Variants in ACVR1 observed in about 807,000 individuals in gnomAD.
The protein encoded by ACVR1 is activin receptor type-1.
A neutral mutation model predicts 57.1 loss-of-function variants in ACVR1; 38 were observed. The observed-to-expected ratio is 0.67, with a 90% confidence interval of 0.51 to 0.87. The LOEUF is 0.87. Among genes scored for constraint, ACVR1 ranks in the 40% least tolerant of loss-of-function variants. The probability of loss-of-function intolerance (pLI) is 0.00; values close to 1 mark genes in which losing one functional copy is unlikely to be tolerated. For missense variants in ACVR1, 463 were observed against 638.2 expected, an observed-to-expected ratio of 0.73 and a Z score of 2.96; for synonymous variants, 212 against 228.1, an observed-to-expected ratio of 0.93 and a Z score of 0.63.
At chr2:157,840,308 C>T (rs1688933947) in intron 1 of ACVR1, among the ~76,000 whole-genome samples, 1 of 152,168 alleles carries the variant, frequency 6.6e-6, no homozygotes, top group Non-Finnish European at 1.5e-5. Context: ...TATTAAGGCT[C>T]GCCTGGGTTG....
At chr2:157,860,031 A>G (rs1425350600) in intron 1 of ACVR1, 1 of 151,912 alleles carries the variant, frequency 6.6e-6, no homozygotes, top group African/African-American at 2.4e-5. Flanking sequence ...GCCAATACAT[A>G]CCCCAGACCA....
At chr2:157,850,855 G>A (rs1425719982) in intron 1 of ACVR1, among the ~76,000 whole-genome samples, 1 of 152,122 alleles carries the variant, frequency 6.6e-6, no homozygotes, top group East Asian at 1.9e-4. Context: ...TACGCAGGAG[G>A]CTGAAACAGG....
Position 157,745,509 on chromosome 2 carries a change from A to T in ACVR1, c.1265-6939T>A, listed in dbSNP as rs945292559. Among the ~76,000 whole-genome samples, 6 of 152,328 alleles carry T rather than the reference A, an allele frequency of 3.9e-5. No individual in the cohort carries two copies. In the South Asian group the frequency reaches 1.0e-3, roughly 26 times the overall value. Reference sequence around the variant, plus strand: ...TAAACAGCAGCCAATAAAGTTTTGCAGCCTTCAACTTATTTTGTCATGAGG... The same window carrying T: ...TAAACAGCAGCCAATAAAGTTTTGCTGCCTTCAACTTATTTTGTCATGAGG... On this transcript the variant is annotated intron_variant, in intron 9 of 10. Transcript: ENST00000434821.
At chr2:157,763,376 G>A (rs1685737849) in intron 8 of ACVR1, among the ~76,000 whole-genome samples, 1 of 152,140 alleles carries the variant, frequency 6.6e-6, no homozygotes. Flanking sequence ...TTGAATCTAG[G>A]TGTTCGGGAT....
intron 1 of ACVR1, among the ~76,000 whole-genome samples, chr2:157,820,849 A>C (rs1272213255): frequency 2.6e-5 from 4 of 152,226 alleles, no homozygotes; most frequent in Non-Finnish European, 5.9e-5. Context: ...ATCACATATT[A>C]TTCTTCACTG....
chr2:157,757,873 AACAC>A (rs571262821), intron 9 of ACVR1, among the ~76,000 whole-genome samples: 8 of 150,644 alleles, frequency 5.3e-5, no homozygotes, highest in East Asian at 1.9e-4. Context: ...AAAATATACA[AACAC>A]ACACACACAC....
At chr2:157,864,402 C>T (rs1021686039) in intron 1 of ACVR1, among the ~76,000 whole-genome samples, 1 of 151,852 alleles carries the variant, frequency 6.6e-6, no homozygotes, top group African/African-American at 2.4e-5. Flanking sequence ...TTTGTAGAGA[C>T]ACAGTTTTAC....
At chr2:157,782,871 G>A (rs1002730525) in intron 3 of ACVR1, among the ~76,000 whole-genome samples, 3 of 152,172 alleles carry the variant, frequency 2.0e-5, no homozygotes, top group African/African-American at 7.2e-5. Context: ...GATACCCCAG[G>A]ATATATACCT....
At chr2:157,774,284 A>G in intron 5 of ACVR1, 97 bp from the exon 6 acceptor site, 1 of 955,564 alleles carries the variant, frequency 1.0e-6, no homozygotes. Flanking sequence ...CATGAAGGGC[A>G]GCAATCCGGG....
chr2:157,790,299 A>C (rs1180707189), intron 3 of ACVR1: 1 of 152,186 alleles, frequency 6.6e-6, no homozygotes, highest in Non-Finnish European at 1.5e-5. Flanking sequence ...CTGGGCAGCC[A>C]AGAGACATAC....
At chr2:157,834,285 GT>G (rs1350862624) in intron 1 of ACVR1, among the ~76,000 whole-genome samples, 2 of 151,968 alleles carry the variant, frequency 1.3e-5, no homozygotes, top group Admixed American at 1.3e-4. Context: ...CAGAGACGGG[GT>G]TTCACCGTGT....
At chr2:157,750,647 C>T (rs113122573) in intron 9 of ACVR1, among the ~76,000 whole-genome samples, 2,583 of 151,880 alleles carry the variant, frequency 0.017, 67 homozygotes, top group African/African-American at 0.056. Flanking sequence ...AAGGTTATAC[C>T]AGATGTGCTG....
intron 9 of ACVR1, among the ~76,000 whole-genome samples, chr2:157,760,195 G>A (rs1333007457): frequency 6.6e-6 from 1 of 152,050 alleles, no homozygotes; most frequent in Non-Finnish European, 1.5e-5. Context: ...TATCTAGAAA[G>A]ATAAATACAG....
chr2:157,736,871 T>C lies in ACVR1; in HGVS notation c.*660A>G, dbSNP rs1332964872. The C allele has an allele frequency of 6.1e-6, 2 of 326,854 alleles. No individual in the cohort carries two copies. The highest frequency in any genetic ancestry group is 8.1e-5 in the East Asian group (2 of 24,764). The allele number at this position is 326,854 out of a possible 1,614,324, so 20.2% of individuals were successfully genotyped here. ...AAGCAGTTTTGTAAAAACTACTAAG[T>C]GCACAAGTAATAAATAATTTGCAAA... On this transcript the variant is annotated 3_prime_UTR_variant, in exon 11 of 11. Coordinates refer to ENST00000434821, the MANE Select transcript of ACVR1 (RefSeq NM_001111067.4).
At chr2:157,738,388 A>G in intron 10 of ACVR1, 52 bp downstream of exon 10, 1 of 1,613,542 alleles carries the variant, frequency 6.2e-7, no homozygotes, top group Non-Finnish European at 8.5e-7. Context: ...AAAGGGAAAC[A>G]AATAGCAAAC....
chr2:157,850,609 C>T (rs1442410768), intron 1 of ACVR1, among the ~76,000 whole-genome samples: 1 of 152,152 alleles, frequency 6.6e-6, no homozygotes, highest in Non-Finnish European at 1.5e-5. Context: ...GACAACATCT[C>T]TTATGAAATA....
chr2:157,828,449 C>CAAAAA (rs369753645), intron 1 of ACVR1, among the ~76,000 whole-genome samples: 4 of 84,248 alleles, frequency 4.7e-5, no homozygotes, highest in Non-Finnish European at 8.9e-5. Context: ...GACTCCGTCT[C>CAAAAA]AAAAAAAAAA....
In ACVR1 at chr2:157,778,997, T is replaced by C. The variant is rs114181788; in HGVS notation, c.332-655A>G. On this transcript the variant is annotated intron_variant, in intron 4 of 10. Coordinates refer to ENST00000434821, the MANE Select transcript of ACVR1 (RefSeq NM_001111067.4). ...CCATCCAATCACAAGCTTAACTTCC[T>C]TTACGTATTTGTTTAACTTTCCAAG... is the stretch of plus-strand genomic sequence containing the variant. 4.9e-3 allele frequency among the ~76,000 whole-genome samples: 744 copies of C among 152,322 alleles called. 12 individuals carry two copies. Among genetic ancestry groups the C allele is most frequent in the African/African-American group, 0.017 (713 of 41,578 alleles).
intron 1 of ACVR1, among the ~76,000 whole-genome samples, chr2:157,871,471 A>G (rs1690111821): frequency 6.6e-6 from 1 of 152,196 alleles, no homozygotes; most frequent in Non-Finnish European, 1.5e-5. Flanking sequence ...CCCCTCTTCA[A>G]AACAACTTTC....
Sources: gnomAD v4.1 joint callset for allele counts (sites outside exome capture counted in the v4.1 genomes callset) on GRCh38, gnomAD v4.1.1 for gene constraint, MANE v1.5 for transcripts, NCBI Gene and HGNC (gene_info 2026-07-23, HGNC 2026-07-21) for gene names.